The following CADM2 variants were observed in gnomAD, a reference collection of about 807,000 sequenced individuals.
The protein encoded by CADM2 is immunoglobulin superfamily member 4D.
A neutral mutation model predicts 49.8 loss-of-function variants in CADM2; 12 were observed. That is an observed-to-expected ratio of 0.24 (90% CI 0.15 to 0.39). The LOEUF is 0.39. CADM2 is among the 10% of genes least tolerant of loss of function. CADM2 has a pLI of 1.00. For missense variants in CADM2, 378 were observed against 492.3 expected (o/e 0.77, Z 2.20); for synonymous variants, 214 against 175.4 (o/e 1.22, Z -1.74).
intron 1 of CADM2, among the ~76,000 whole-genome samples, chr3:85,383,039 C>T (rs907808251): frequency 1.3e-5 from 2 of 152,144 alleles, no homozygotes; most frequent in Non-Finnish European, 1.5e-5. Flanking sequence ...ATAGCTGAGT[C>T]TCAGCTAATC....
At chr3:85,864,903 C>G (rs2075668713) in intron 3 of CADM2, among the ~76,000 whole-genome samples, 1 of 151,852 alleles carries the variant, frequency 6.6e-6, no homozygotes, top group South Asian at 2.1e-4. Flanking sequence ...CTTTTTATTC[C>G]AACTCTCACT....
At chr3:85,702,327 C>T (rs1457630375) in intron 1 of CADM2, among the ~76,000 whole-genome samples, 1 of 151,964 alleles carries the variant, frequency 6.6e-6, no homozygotes, top group Non-Finnish European at 1.5e-5. Flanking sequence ...CTTTTCCTCC[C>T]TCAAATTTGT....
intron 1 of CADM2, among the ~76,000 whole-genome samples, chr3:85,552,769 C>T (rs868131307): frequency 5.9e-5 from 9 of 151,904 alleles, no homozygotes; most frequent in Admixed American, 2.0e-4. Context: ...CTCTGCCTCC[C>T]GGGTTCAAGT....
chr3:85,216,121 G>A (rs2107781408), intron 1 of CADM2, among the ~76,000 whole-genome samples: 1 of 151,694 alleles, frequency 6.6e-6, no homozygotes, highest in Admixed American at 6.6e-5. Flanking sequence ...TTCAGTGGGG[G>A]ACAATCACTG....
At chr3:86,014,867 G>A in intron 8 of CADM2, 5 of 1,540,680 alleles carry the variant, frequency 3.2e-6, no homozygotes, top group Non-Finnish European at 4.4e-6. Context: ...TTCCTAATGT[G>A]TATGCATTGA....
At chr3:85,084,937 T>G (rs2037313455) in intron 1 of CADM2, among the ~76,000 whole-genome samples, 1 of 152,158 alleles carries the variant, frequency 6.6e-6, no homozygotes, top group Admixed American at 6.6e-5. Flanking sequence ...ACTTTTAGGT[T>G]ATTAAGTTTA....
chr3:85,488,942 T>C (rs1488083514), intron 1 of CADM2, among the ~76,000 whole-genome samples: 1 of 152,162 alleles, frequency 6.6e-6, no homozygotes, highest in Non-Finnish European at 1.5e-5. Flanking sequence ...CTTCTTTTAA[T>C]AACTAAAATG....
chr3:85,878,536 A>G (rs2108375790), intron 3 of CADM2, among the ~76,000 whole-genome samples: 1 of 152,226 alleles, frequency 6.6e-6, no homozygotes, highest in South Asian at 2.1e-4. Flanking sequence ...TAATTTTAAA[A>G]TGTCATTGTA....
intron 1 of CADM2, among the ~76,000 whole-genome samples, chr3:85,280,084 C>T (rs1286488751): frequency 6.6e-6 from 1 of 151,524 alleles, no homozygotes; most frequent in African/African-American, 2.4e-5. Flanking sequence ...TCTTTGGTAT[C>T]ATATCATTGC....
chr3:85,004,275 CTT>C (rs1179494883), intron 1 of CADM2, among the ~76,000 whole-genome samples: 1 of 152,088 alleles, frequency 6.6e-6, no homozygotes, highest in Non-Finnish European at 1.5e-5. Flanking sequence ...ACACAAATAT[CTT>C]TTTCTCATTC....
At chr3:85,530,299 A>G (rs1170643598) in intron 1 of CADM2, among the ~76,000 whole-genome samples, 3 of 143,432 alleles carry the variant, frequency 2.1e-5, no homozygotes, top group Non-Finnish European at 4.5e-5. Context: ...TGGAACTGTG[A>G]GTCAGTTAGA....
intron 1 of CADM2, among the ~76,000 whole-genome samples, chr3:85,470,275 C>A (rs2038709545): frequency 6.6e-6 from 1 of 152,010 alleles, no homozygotes. Context: ...GGTGGTGATG[C>A]AAATTCATAT....
chr3:85,083,957 A>G (rs1235269750), intron 1 of CADM2, among the ~76,000 whole-genome samples: 1 of 152,198 alleles, frequency 6.6e-6, no homozygotes, highest in East Asian at 1.9e-4. Context: ...TCTACCCACC[A>G]TAAATACTTT....
intron 8 of CADM2, among the ~76,000 whole-genome samples, chr3:85,980,274 G>A (rs1727315760): frequency 6.6e-6 from 1 of 151,254 alleles, no homozygotes; most frequent in Non-Finnish European, 1.5e-5. Context: ...GTTATGTTTA[G>A]CATTATTATT....
intron 1 of CADM2, among the ~76,000 whole-genome samples, chr3:85,713,928 A>G (rs2067199329): frequency 6.6e-6 from 1 of 152,206 alleles, no homozygotes; most frequent in African/African-American, 2.4e-5. Context: ...AAATGAGATC[A>G]GAGAAGTGGT....
chr3:85,471,157 G>A (rs1213024367), intron 1 of CADM2, among the ~76,000 whole-genome samples: 1 of 152,112 alleles, frequency 6.6e-6, no homozygotes, highest in Non-Finnish European at 1.5e-5. Context: ...ATTCCAAGAT[G>A]TAGGGGTGGC....
intron 1 of CADM2, among the ~76,000 whole-genome samples, chr3:84,961,239 C>G (rs992174764): frequency 1.3e-5 from 2 of 152,090 alleles, no homozygotes; most frequent in African/African-American, 4.8e-5. Flanking sequence ...TGCCCTCCTC[C>G]GGGATATAGA....
intron 1 of CADM2, among the ~76,000 whole-genome samples, chr3:85,139,122 C>T (rs189465428): frequency 1.2e-4 from 18 of 152,156 alleles, no homozygotes; most frequent in Admixed American, 6.6e-4. Context: ...TCAACCCTGC[C>T]GCTAATCTTT....
At chr3:85,821,153 G>A (rs1003985) in intron 3 of CADM2, among the ~76,000 whole-genome samples, 28,601 of 152,010 alleles carry the variant, frequency 0.19, 3,019 homozygotes, top group South Asian at 0.31. Context: ...CTTGCCTTTG[G>A]AGATGAAGTT....
Sources: allele counts gnomAD v4.1 joint callset (sites outside exome capture counted in the v4.1 genomes callset), GRCh38; gene constraint gnomAD v4.1.1; transcripts MANE v1.5; gene names NCBI Gene and HGNC (gene_info 2026-07-23, HGNC 2026-07-21).